LARGE1: variants seen among roughly 807,000 people sequenced by gnomAD.
The protein encoded by LARGE1 is xylosyl- and glucuronyltransferase LARGE1.
LARGE1 carries 43 observed loss-of-function variants against 87.6 expected under a neutral mutation model. The ratio of observed to expected loss-of-function variants is 0.49; its 90% CI spans 0.38 to 0.63. The LOEUF (loss-of-function observed/expected upper bound fraction) is 0.63, where lower values mean the gene tolerates loss of function less well. LARGE1 is among the 30% of genes least tolerant of loss of function. The pLI, the probability that LARGE1 is intolerant of heterozygous loss-of-function variation, is 0.00. For synonymous variants in LARGE1, 434 were observed against 394.6 expected (o/e 1.10, Z -1.18); for missense variants, 802 against 1,000.2 (o/e 0.80, Z 2.67).
At chr22:33,167,489 T>C (rs1394249701) in intron 11 of LARGE1, among the ~76,000 whole-genome samples, 1 of 152,230 alleles carries the variant, frequency 6.6e-6, no homozygotes, top group Admixed American at 6.5e-5. Context: ...TTCTATGGCT[T>C]AATACCCATA....
the LARGE1 span, among the ~76,000 whole-genome samples, chr22:33,101,200 T>C: frequency 6.6e-6 from 1 of 152,132 alleles, no homozygotes; most frequent in South Asian, 2.1e-4. Context: ...GGAGGTAGAA[T>C]GCCTGCAGGG....
intron 6 of LARGE1, among the ~76,000 whole-genome samples, chr22:33,467,891 G>C (rs2068680424): frequency 6.6e-6 from 1 of 152,194 alleles, no homozygotes; most frequent in South Asian, 2.1e-4. Flanking sequence ...GCAGAGCTCA[G>C]TCTACCTTAG....
chr22:33,867,120 C>T (rs533116409), intron 1 of LARGE1, among the ~76,000 whole-genome samples: 1 of 152,226 alleles, frequency 6.6e-6, no homozygotes, highest in South Asian at 2.1e-4. Flanking sequence ...CTCAATAATG[C>T]ACAAGCAATG....
At chr22:33,474,233 G>A (rs2068977197) in intron 6 of LARGE1, among the ~76,000 whole-genome samples, 1 of 151,932 alleles carries the variant, frequency 6.6e-6, no homozygotes, top group African/African-American at 2.4e-5. Flanking sequence ...GTGCAATCTC[G>A]GCTCACTGCA....
chr22:33,506,073 G>T (rs7291415), intron 6 of LARGE1, among the ~76,000 whole-genome samples: 1 of 152,082 alleles, frequency 6.6e-6, no homozygotes, highest in Non-Finnish European at 1.5e-5. Context: ...CATGAATTCT[G>T]TGCATTTACC....
chr22:33,270,019 A>C (rs547914499), downstream of LARGE1, among the ~76,000 whole-genome samples: 1 of 151,950 alleles, frequency 6.6e-6, no homozygotes, highest in Non-Finnish European at 1.5e-5. Context: ...AAAAAAAAAA[A>C]AGACTATACG....
chr22:33,517,033 A>G (rs2071342154), intron 6 of LARGE1, among the ~76,000 whole-genome samples: 1 of 152,224 alleles, frequency 6.6e-6, no homozygotes, highest in South Asian at 2.1e-4. Flanking sequence ...TGTTATCTAC[A>G]TTAAAAAAGG....
At chr22:33,802,121 A>T (rs2086181081) in intron 1 of LARGE1, among the ~76,000 whole-genome samples, 1 of 152,196 alleles carries the variant, frequency 6.6e-6, no homozygotes, top group South Asian at 2.1e-4. Flanking sequence ...CTCTGAACAC[A>T]GGTATCATGC....
chr22:33,220,436 A>G (rs1925404273), intron 11 of LARGE1, among the ~76,000 whole-genome samples: 1 of 152,224 alleles, frequency 6.6e-6, no homozygotes, highest in Non-Finnish European at 1.5e-5. Flanking sequence ...AGGGAAATGG[A>G]GAGTCAGCAT....
chr22:33,194,333 A>G (rs1490931489), intron 11 of LARGE1, among the ~76,000 whole-genome samples: 5 of 152,218 alleles, frequency 3.3e-5, no homozygotes, highest in Non-Finnish European at 7.3e-5. Flanking sequence ...TCCTTAACAT[A>G]TAAACTTACC....
chr22:33,203,934 A>AT, intron 11 of LARGE1, among the ~76,000 whole-genome samples: 1 of 152,146 alleles, frequency 6.6e-6, no homozygotes, highest in African/African-American at 2.4e-5. Flanking sequence ...ACATTTCCAT[A>AT]CTTTTCTCCC....
intron 1 of LARGE1, among the ~76,000 whole-genome samples, chr22:33,875,004 C>G (rs1354135462): frequency 6.6e-6 from 1 of 152,180 alleles, no homozygotes; most frequent in African/African-American, 2.4e-5. Flanking sequence ...ACAGGATTCA[C>G]CCCAGGCAGT....
At chr22:33,602,589 G>A (rs1292778052) in intron 5 of LARGE1, among the ~76,000 whole-genome samples, 2 of 151,702 alleles carry the variant, frequency 1.3e-5, no homozygotes, top group Admixed American at 6.6e-5. Context: ...GGCTGGTCTC[G>A]AACTCCTGGG....
intron 6 of LARGE1, among the ~76,000 whole-genome samples, chr22:33,520,476 A>C (rs540809662): frequency 1.3e-5 from 2 of 152,252 alleles, no homozygotes; most frequent in African/African-American, 4.8e-5. Context: ...GCTCTCTGAC[A>C]AGCACGGGAG....
rs1602325498 is a variant in LARGE1 at position 33,304,486 on chromosome 22, G to T, written c.1473C>A (p.Ile491=). The T allele has an allele frequency of 6.2e-7, 1 of 1,606,150 alleles. No homozygotes were observed. Among genetic ancestry groups the T allele is most frequent in the Non-Finnish European group, 8.5e-7 (1 of 1,175,980 alleles). ...SMDRLQMLEA[I]CKHWEGPISL... is the part of the protein sequence containing the mutation. The stretch of plus-strand genomic sequence containing the variant: ...TGATGGGCCCCTCCCAGTGCTTGCA[G>T]ATGGCCTCCAGCATCTGGAGCCTGG... The change falls in exon 12 of 15, where the codon ATC becomes ATA. Residue 491 remains isoleucine, a synonymous_variant. Transcript: ENST00000397394.
At chr22:33,259,267 CAAGT>C (rs1203424938) in intron 11 of LARGE1, among the ~76,000 whole-genome samples, 1 of 151,910 alleles carries the variant, frequency 6.6e-6, no homozygotes, top group East Asian at 1.9e-4. Context: ...ATGTTAAGGA[CAAGT>C]GAGAGAGAAG....
intron 1 of LARGE1, among the ~76,000 whole-genome samples, chr22:33,912,813 A>C (rs1260811885): frequency 6.7e-6 from 1 of 149,688 alleles, no homozygotes; most frequent in Non-Finnish European, 1.5e-5. Flanking sequence ...TGTTACAGTG[A>C]AGGAAGAACC....
At chr22:33,514,968 G>C (rs750010837) in intron 6 of LARGE1, among the ~76,000 whole-genome samples, 1 of 152,008 alleles carries the variant, frequency 6.6e-6, no homozygotes, top group Admixed American at 6.6e-5. Context: ...AAGCGCTTTA[G>C]GTAAAGGATC....
Position 33,660,437 on chromosome 22 carries a change from C to T in LARGE1, c.107-9769G>A, listed in dbSNP as rs139138863. Among the ~76,000 whole-genome samples the T allele has an allele frequency of 2.8e-4, 43 of 152,246 alleles. 1 individual carries two copies. In the East Asian group the frequency reaches 5.8e-3, roughly 21 times the overall value. On this transcript the variant is annotated intron_variant, in intron 2 of 14. Transcript: ENST00000397394. Reference sequence around the variant, plus strand: ...ACTAGAAAAGGTGAATAGATATTCACCGCAAATCCTGACAATTGATCTGTG... The same window carrying T: ...ACTAGAAAAGGTGAATAGATATTCATCGCAAATCCTGACAATTGATCTGTG...
Sources: gnomAD v4.1 joint callset for allele counts (sites outside exome capture counted in the v4.1 genomes callset) on GRCh38, gnomAD v4.1.1 for gene constraint, MANE v1.5 for transcripts, NCBI Gene and HGNC (gene_info 2026-07-23, HGNC 2026-07-21) for gene names.